Variants in CDH8 observed in about 807,000 individuals in gnomAD.
CDH8 encodes cadherin 8, also known as cadherin-8.
In CDH8, 17 loss-of-function variants were observed where a neutral mutation model predicts 68.1. The observed-to-expected ratio is 0.25, with a 90% CI of 0.17 to 0.37. The LOEUF (loss-of-function observed/expected upper bound fraction) is 0.37, where lower values mean the gene tolerates loss of function less well. Among genes scored for constraint, CDH8 ranks in the 10% least tolerant of loss-of-function variants. CDH8 has a pLI of 1.00. For synonymous variants in CDH8, 372 were observed against 365.1 expected, an observed-to-expected ratio of 1.02 and a Z score of -0.21; for missense variants, 763 against 999.3, an observed-to-expected ratio of 0.76 and a Z score of 3.19.
chr16:61,777,935 T>A lies in CDH8; in HGVS notation c.1414+11411A>T, dbSNP rs1190593469. Among the ~76,000 whole-genome samples the A allele has an allele frequency of 1.3e-5, 2 of 152,122 alleles. 1 individual carries two copies. Among genetic ancestry groups the A allele is most frequent in the Non-Finnish European group, 2.9e-5 (2 of 68,022 alleles). On this transcript the variant is annotated intron_variant, in intron 8 of 11. Transcript: ENST00000577390. ...TTCCATATTTTAGTTTTCACTTTCCTTCACTGTATTTCTCTTTGCTAAGAA... is the reference window on the plus strand; with the variant it reads ...TTCCATATTTTAGTTTTCACTTTCCATCACTGTATTTCTCTTTGCTAAGAA...
intron 3 of CDH8, 170 bp downstream of exon 3, chr16:61,901,009 G>A (rs1963960050): frequency 1.7e-6 from 1 of 597,190 alleles, no homozygotes; most frequent in Non-Finnish European, 3.0e-6. Context: ...GTTACTAAGG[G>A]ACTAAAGCTA....
chr16:61,696,247 C>T (rs925164484), intron 10 of CDH8, among the ~76,000 whole-genome samples: 1 of 152,122 alleles, frequency 6.6e-6, no homozygotes, highest in African/African-American at 2.4e-5. Flanking sequence ...TAAAACGGAC[C>T]TTCCTCCATT....
intron 8 of CDH8, among the ~76,000 whole-genome samples, chr16:61,776,196 G>A (rs76803359): frequency 0.011 from 1,622 of 152,142 alleles, 21 homozygotes; most frequent in African/African-American, 0.036. Flanking sequence ...CTCTGTTTAC[G>A]CAATTTACCT....
intron 2 of CDH8, among the ~76,000 whole-genome samples, chr16:61,926,512 C>T (rs1231617366): frequency 6.6e-6 from 1 of 152,152 alleles, no homozygotes; most frequent in Admixed American, 6.6e-5. Context: ...CATTCACCAA[C>T]AGATGAAAAC....
At chr16:61,990,853 A>AAGGG (rs529148061) in intron 2 of CDH8, among the ~76,000 whole-genome samples, 1 of 141,074 alleles carries the variant, frequency 7.1e-6, no homozygotes, top group Non-Finnish European at 1.5e-5. Context: ...AGATGGAACG[A>AAGGG]AGGGAGGGAG....
intron 10 of CDH8, among the ~76,000 whole-genome samples, chr16:61,675,029 G>A (rs1963873821): frequency 6.6e-6 from 1 of 151,346 alleles, no homozygotes; most frequent in African/African-American, 2.4e-5. Context: ...GGAAAGAGGA[G>A]GCAGAAGATA....
chr16:61,870,614 G>T (rs1263623062), intron 3 of CDH8, among the ~76,000 whole-genome samples: 1 of 152,134 alleles, frequency 6.6e-6, no homozygotes, highest in African/African-American at 2.4e-5. Context: ...GTTATTTCAA[G>T]ATTTTAATTA....
At chr16:61,765,603 T>C (rs1960570583) in intron 8 of CDH8, among the ~76,000 whole-genome samples, 1 of 152,056 alleles carries the variant, frequency 6.6e-6, no homozygotes, top group African/African-American at 2.4e-5. Flanking sequence ...AAGAGAGTTC[T>C]AGTATTTTCT....
At chr16:61,703,765 G>A (rs11643031) in intron 10 of CDH8, among the ~76,000 whole-genome samples, 20,370 of 152,062 alleles carry the variant, frequency 0.13, 1,446 homozygotes, top group African/African-American at 0.17. Context: ...GCGTGAACCC[G>A]GGAGGCGGAG....
chr16:61,812,855 G>A (rs955182222), intron 7 of CDH8, among the ~76,000 whole-genome samples: 1 of 152,086 alleles, frequency 6.6e-6, no homozygotes, highest in Non-Finnish European at 1.5e-5. Flanking sequence ...CTGCGTTTAC[G>A]TGCTATATCA....
At chr16:61,959,754 T>C (rs540086530) in intron 2 of CDH8, among the ~76,000 whole-genome samples, 2 of 150,470 alleles carry the variant, frequency 1.3e-5, no homozygotes, top group African/African-American at 4.9e-5. Flanking sequence ...TATCTATATA[T>C]CTATATATAC....
At chr16:61,975,590 G>C (rs1304649720) in intron 2 of CDH8, among the ~76,000 whole-genome samples, 1 of 151,954 alleles carries the variant, frequency 6.6e-6, no homozygotes, top group Non-Finnish European at 1.5e-5. Flanking sequence ...ACAATAGTTT[G>C]ATAAAAAAAT....
chr16:62,021,479 T>A lies in CDH8; in HGVS notation c.-76A>T, dbSNP rs1175983893. 1 of 1,542,766 alleles carries A rather than the reference T, an allele frequency of 6.5e-7. No homozygotes were observed. The highest frequency in any genetic ancestry group is 8.7e-7 in the Non-Finnish European group (1 of 1,146,624). On this transcript the variant is annotated 5_prime_UTR_variant, in exon 2 of 12. Coordinates refer to ENST00000577390, the MANE Select transcript of CDH8 (RefSeq NM_001796.5). ...TGTCTCCGGTCTGCAGCCATCCAATTCATCATGCAGTGCCGAGCATTTACT... is the reference window on the plus strand; with the variant it reads ...TGTCTCCGGTCTGCAGCCATCCAATACATCATGCAGTGCCGAGCATTTACT...
At chr16:61,690,341 A>T (rs1300719692) in intron 10 of CDH8, among the ~76,000 whole-genome samples, 1 of 152,028 alleles carries the variant, frequency 6.6e-6, no homozygotes, top group Non-Finnish European at 1.5e-5. Flanking sequence ...ACCGTAGAAT[A>T]ACTGGGCAGA....
At chr16:61,930,510 T>A (rs988300402) in intron 2 of CDH8, among the ~76,000 whole-genome samples, 2 of 152,174 alleles carry the variant, frequency 1.3e-5, no homozygotes, top group Non-Finnish European at 2.9e-5. Context: ...AGTGCACCCT[T>A]GAAAAGTATT....
intron 8 of CDH8, among the ~76,000 whole-genome samples, chr16:61,732,078 T>TA (rs949759279): frequency 3.4e-5 from 5 of 149,066 alleles, no homozygotes; most frequent in Admixed American, 6.7e-5. Flanking sequence ...GAACAGCAGT[T>TA]AAAAAAAAAT....
At chr16:61,995,502 C>T (rs1022198393) in intron 2 of CDH8, among the ~76,000 whole-genome samples, 16 of 152,038 alleles carry the variant, frequency 1.1e-4, no homozygotes, top group African/African-American at 2.7e-4. Context: ...CTCAGCCTCC[C>T]GAGTAGCTGG....
intron 10 of CDH8, among the ~76,000 whole-genome samples, chr16:61,674,126 A>T (rs1259245823): frequency 6.6e-6 from 1 of 152,134 alleles, no homozygotes; most frequent in African/African-American, 2.4e-5. Context: ...AACAAGAAAG[A>T]TACACCATAA....
At chr16:61,967,060 G>A (rs1168080712) in intron 2 of CDH8, among the ~76,000 whole-genome samples, 1 of 152,108 alleles carries the variant, frequency 6.6e-6, no homozygotes, top group African/African-American at 2.4e-5. Flanking sequence ...AAATAGCCAA[G>A]TGTGGTGGCA....
Sources: allele counts gnomAD v4.1 joint callset (sites outside exome capture counted in the v4.1 genomes callset), GRCh38; gene constraint gnomAD v4.1.1; transcripts MANE v1.5; gene names NCBI Gene and HGNC (gene_info 2026-07-23, HGNC 2026-07-21).